The following MARK4 variants were observed in gnomAD, a reference collection of about 807,000 sequenced individuals.
MARK4 encodes MAP/microtubule affinity-regulating kinase 4.
Under a neutral mutation model 81.5 loss-of-function variants are expected in MARK4, and 19 were observed. The observed-to-expected ratio is 0.23, with a 90% CI of 0.16 to 0.34. MARK4 has a LOEUF of 0.34. Ranked by LOEUF, MARK4 falls within the 10% of genes least tolerant of loss-of-function variation. The probability of loss-of-function intolerance (pLI) is 1.00; values close to 1 mark genes in which losing one functional copy is unlikely to be tolerated. For synonymous variants in MARK4, 436 were observed against 439.0 expected (o/e 0.99, Z 0.08); for missense variants, 772 against 1,058.8 (o/e 0.73, Z 3.76).
intron 1 of MARK4, among the ~76,000 whole-genome samples, chr19:45,254,266 C>T (rs889735651): frequency 3.3e-5 from 5 of 152,206 alleles, no homozygotes; most frequent in African/African-American, 7.2e-5. Flanking sequence ...CTCCCACCCC[C>T]GGCCCCCAGG....
chr19:45,259,185 G>A lies in MARK4; in HGVS notation c.248G>A (p.Arg83Gln), dbSNP rs751188496. The A allele has an allele frequency of 6.2e-6, 10 of 1,613,786 alleles. No homozygotes were observed. Among genetic ancestry groups the A allele is most frequent in the South Asian group, 2.2e-5 (2 of 91,056 alleles). Reference protein sequence around the residue: ...VKLARHILTGREVAIKIIDKT... With the variant: ...VKLARHILTGQEVAIKIIDKT... ...CTGGCTCGGCACATCCTCACTGGTC[G>A]GGAGGTGAGTATGGGCACAGGGTGG... The change falls in exon 2 of 17, where the codon CGG becomes CAG. Residue 83 changes from arginine (R) to glutamine (Q), a missense_variant. Physicochemically the swap from Arg to Gln is conservative, Grantham distance 43. Transcript: ENST00000262891.
At chr19:45,296,831 C>G (rs1439664260) in intron 14 of MARK4, among the ~76,000 whole-genome samples, 8 of 152,162 alleles carry the variant, frequency 5.3e-5, no homozygotes, top group Non-Finnish European at 1.5e-5. Flanking sequence ...CAGTGGATCA[C>G]CTGAGGTGAG....
chr19:45,264,559 T>C, intron 4 of MARK4, 125 bp from the exon 5 acceptor site: 1 of 864,868 alleles, frequency 1.2e-6, no homozygotes, highest in Non-Finnish European at 1.9e-6. Context: ...TTGCTGTCAG[T>C]AGGGAGCCAT....
At chr19:45,255,289 G>A (rs926691189) in intron 1 of MARK4, among the ~76,000 whole-genome samples, 2 of 152,076 alleles carry the variant, frequency 1.3e-5, no homozygotes, top group African/African-American at 2.4e-5. Flanking sequence ...TATCGGGCAC[G>A]GTGGCTCATG....
chr19:45,291,540 T>C (rs375000547), intron 13 of MARK4, among the ~76,000 whole-genome samples: 13 of 152,122 alleles, frequency 8.5e-5, no homozygotes, highest in African/African-American at 3.1e-4. Flanking sequence ...CCCAGCACTT[T>C]GGGAGGCTGA....
At chr19:45,288,704 G>T (rs950116771) in intron 13 of MARK4, among the ~76,000 whole-genome samples, 6 of 151,842 alleles carry the variant, frequency 4.0e-5, no homozygotes, top group African/African-American at 1.5e-4. Flanking sequence ...CAAAAAATTA[G>T]CTGGGCATGG....
At chr19:45,265,492 G>A (rs1970439863) in intron 6 of MARK4, among the ~76,000 whole-genome samples, 1 of 151,880 alleles carries the variant, frequency 6.6e-6, no homozygotes, top group South Asian at 2.1e-4. Flanking sequence ...AGGTGTGTAA[G>A]AGTGTGGGGG....
rs1970531967 is a variant in MARK4, at chr19:45,271,834, G to C, written c.786+126G>C. 1.1e-6 allele frequency: 1 copy of C among 898,214 alleles called. No homozygotes were observed. The highest frequency in any genetic ancestry group is 2.4e-5 in the Admixed American group (1 of 41,456). The allele number at this position is 898,214 out of a possible 1,614,324, so 55.6% of individuals were successfully genotyped here. A position where few individuals can be genotyped will look rare whatever the true frequency, so the allele number is the denominator to read the frequency against. On this transcript the variant is annotated intron_variant, in intron 8 of 16. Coordinates refer to ENST00000262891, the MANE Select transcript of MARK4 (RefSeq NM_001199867.2). This position sits in a 1 kb window ranked among gnomAD's most constrained non-coding sequence, Gnocchi z 4.1. ...GCCTGAGTTCTCATGGGAAGATGGG[G>C]GATGGGCAGGATTCAAGTCCCCTCT...
At chr19:45,269,144 C>T (rs965295406) in intron 7 of MARK4, among the ~76,000 whole-genome samples, 25 of 152,208 alleles carry the variant, frequency 1.6e-4, no homozygotes, top group Non-Finnish European at 2.6e-4. Context: ...TTTGGGAGGC[C>T]GAGGTGGGCG....
At chr19:45,272,482 A>G (rs975444327) in intron 8 of MARK4, among the ~76,000 whole-genome samples, 4 of 152,236 alleles carry the variant, frequency 2.6e-5, no homozygotes, top group Admixed American at 2.6e-4. Context: ...AGGCAAATCC[A>G]TAGAGACAGA....
intron 8 of MARK4, among the ~76,000 whole-genome samples, chr19:45,277,106 C>T (rs555140803): frequency 2.0e-5 from 3 of 150,922 alleles, no homozygotes; most frequent in South Asian, 2.1e-4. Flanking sequence ...GACAGAATCT[C>T]GCCCTGTCAC....
chr19:45,302,294 TTGGGA>T lies in MARK4; in HGVS notation c.1923-79_1923-75del. The T allele has an allele frequency of 6.3e-7, 1 of 1,598,706 alleles. No individual in the cohort carries two copies. Among genetic ancestry groups the T allele is most frequent in the Middle Eastern group, 1.7e-4 (1 of 5,992 alleles). On this transcript the variant is annotated intron_variant, in intron 16 of 16. Transcript: ENST00000262891. The surrounding 1 kb of genome is among the most constrained non-coding windows in gnomAD (Gnocchi z 4.9). ...GGGATGGCTAGGAATGTGTCCCGAATTGGGAAGAGTTGTCCCTTCAGCCCTCCACC... is the reference window on the plus strand; with the variant it reads ...GGGATGGCTAGGAATGTGTCCCGAATAGAGTTGTCCCTTCAGCCCTCCACC...
rs570860808 is a variant in MARK4, at chr19:45,261,662, G to A, written c.253-1451G>A. Among the ~76,000 whole-genome samples, 24 of 152,230 alleles carry A rather than the reference G, an allele frequency of 1.6e-4. 1 individual carries two copies. The South Asian group carries it at 2.3e-3, about 14-fold the overall frequency. ...AAAAGTTTTACTGCAGACTGGGTGC[G>A]GTGGCTCATGCCTGTAATCCCAGCA... On this transcript the variant is annotated intron_variant, in intron 2 of 16. Transcript: ENST00000262891.
At chr19:45,289,017 A>G (rs1397223575) in intron 13 of MARK4, among the ~76,000 whole-genome samples, 2 of 152,102 alleles carry the variant, frequency 1.3e-5, no homozygotes, top group Non-Finnish European at 2.9e-5. Context: ...ACGGCAGGTT[A>G]CTACCAGTCA....
intron 2 of MARK4, among the ~76,000 whole-genome samples, chr19:45,260,688 C>T (rs1970369668): frequency 7.0e-6 from 1 of 142,718 alleles, no homozygotes; most frequent in East Asian, 1.9e-4. Context: ...CAGAGCAAGA[C>T]CATCTCAAAA....
At chr19:45,262,707 C>T (rs1300788350) in intron 2 of MARK4, among the ~76,000 whole-genome samples, 1 of 152,224 alleles carries the variant, frequency 6.6e-6, no homozygotes, top group East Asian at 1.9e-4. Flanking sequence ...TGCAAAGGCC[C>T]TGAGGCCCTG....
intron 13 of MARK4, 27 bp from the exon 14 acceptor site, chr19:45,294,322 C>T: frequency 6.2e-7 from 1 of 1,607,214 alleles, no homozygotes; most frequent in East Asian, 2.2e-5. Context: ...CACCCCCTCA[C>T]TCCCTTCCTG....
At chr19:45,258,902 G>A in intron 1 of MARK4, 87 bp from the exon 2 acceptor site, 2 of 1,434,202 alleles carry the variant, frequency 1.4e-6, no homozygotes, top group Non-Finnish European at 9.5e-7. Context: ...GGAGGGGCCG[G>A]TAGCCAGGCC....
rs554966315 is a variant in MARK4 at position 45,266,297 on chromosome 19, G to A, written c.549+16G>A. On this transcript the variant is annotated intron_variant, in intron 7 of 16. Coordinates refer to ENST00000262891, the MANE Select transcript of MARK4 (RefSeq NM_001199867.2). ...GGACCTGAAGGTAAGCCCCCGACCCGCTGTGATCTCAGGGACCACGGCTCA... is the reference window on the plus strand; with the variant it reads ...GGACCTGAAGGTAAGCCCCCGACCCACTGTGATCTCAGGGACCACGGCTCA... The A allele has an allele frequency of 1.5e-5, 25 of 1,613,202 alleles. 1 individual carries two copies. In the African/African-American group the frequency reaches 1.9e-4, roughly 12 times the overall value.
Sources: allele counts gnomAD v4.1 joint callset (sites outside exome capture counted in the v4.1 genomes callset), GRCh38; gene constraint gnomAD v4.1.1; non-coding constraint Gnocchi (gnomAD v3.1); transcripts MANE v1.5; gene names NCBI Gene and HGNC (gene_info 2026-07-23, HGNC 2026-07-21).